SESTD1: variants seen among roughly 807,000 people sequenced by gnomAD.
The protein encoded by SESTD1 is SEC14 domain and spectrin repeat-containing protein 1.
A neutral mutation model predicts 101.7 loss-of-function variants in SESTD1; 43 were observed. That is an observed-to-expected ratio of 0.42 (90% CI 0.33 to 0.55). The LOEUF is 0.55. SESTD1 is among the 20% of genes least tolerant of loss of function. SESTD1 has a pLI of 0.07. For missense variants in SESTD1, 647 were observed against 815.1 expected (o/e 0.79, Z 2.51); for synonymous variants, 283 against 286.8 (o/e 0.99, Z 0.13).
At chr2:179,133,789 A>T (rs911997128) in intron 9 of SESTD1, among the ~76,000 whole-genome samples, 1 of 152,200 alleles carries the variant, frequency 6.6e-6, no homozygotes, top group Non-Finnish European at 1.5e-5. Flanking sequence ...TCTTTTTATA[A>T]TTATATAAAA....
intron 1 of SESTD1, among the ~76,000 whole-genome samples, chr2:179,213,068 TA>T (rs1250934502): frequency 7.4e-6 from 1 of 134,854 alleles, no homozygotes; most frequent in African/African-American, 2.9e-5. Flanking sequence ...CTGAAAATTC[TA>T]AAAACCAGAT....
intron 4 of SESTD1, chr2:179,174,332 A>G (rs1365302563): frequency 2.5e-6 from 1 of 407,714 alleles, no homozygotes; most frequent in Non-Finnish European, 4.9e-6. Context: ...CTATTAATAA[A>G]TCCAAAAGCT....
At chr2:179,194,855 G>A (rs1381583456) in intron 1 of SESTD1, among the ~76,000 whole-genome samples, 2 of 152,182 alleles carry the variant, frequency 1.3e-5, no homozygotes, top group Non-Finnish European at 2.9e-5. Flanking sequence ...GAGCCCAGAA[G>A]ACCTCACTGT....
chr2:179,109,775 G>A lies in SESTD1; in HGVS notation c.*124C>T, dbSNP rs2044465948. 27 of 1,244,034 alleles carry A rather than the reference G, an allele frequency of 2.2e-5. No individual in the cohort carries two copies. The South Asian group carries it at 4.0e-4, about 18-fold the overall frequency. The allele number at this position is 1,244,034 out of a possible 1,614,324, so 77.1% of individuals were successfully genotyped here. On this transcript the variant is annotated 3_prime_UTR_variant, in exon 18 of 18. Transcript: ENST00000428443. ...GGTGTTAACATGTAAAGAGAAATGTGTCATGAAAAGAAATGAGACTTATTT... is the reference window on the plus strand; with the variant it reads ...GGTGTTAACATGTAAAGAGAAATGTATCATGAAAAGAAATGAGACTTATTT...
intron 1 of SESTD1, among the ~76,000 whole-genome samples, chr2:179,259,993 T>C (rs2105562788): frequency 6.6e-6 from 1 of 152,312 alleles, no homozygotes; most frequent in South Asian, 2.1e-4. Context: ...TTATAGATAC[T>C]TGTGATTTAT....
chr2:179,123,648 C>A, intron 12 of SESTD1, 67 bp downstream of exon 12: 1 of 1,035,368 alleles, frequency 9.7e-7, no homozygotes, highest in South Asian at 1.5e-5. Flanking sequence ...ACTTAATTGT[C>A]TAACCATGGT....
chr2:179,247,031 G>T (rs1338438659), intron 1 of SESTD1, among the ~76,000 whole-genome samples: 2 of 152,044 alleles, frequency 1.3e-5, no homozygotes, highest in African/African-American at 4.8e-5. Context: ...CCCACTTTCA[G>T]ATTCCACTTG....
chr2:179,138,869 T>G (rs2045214188), intron 9 of SESTD1, among the ~76,000 whole-genome samples: 1 of 22,270 alleles, frequency 4.5e-5, no homozygotes. Flanking sequence ...AAACCCTGTC[T>G]CAAAAAAAAA....
intron 12 of SESTD1, 92 bp downstream of exon 12, chr2:179,123,623 G>T: frequency 4.0e-6 from 3 of 754,494 alleles, no homozygotes; most frequent in Non-Finnish European, 2.2e-6. Flanking sequence ...ATACTAATTA[G>T]TTCAGTGTAA....
At chr2:179,245,622 G>A (rs1398930391) in intron 1 of SESTD1, among the ~76,000 whole-genome samples, 4 of 151,486 alleles carry the variant, frequency 2.6e-5, no homozygotes, top group Non-Finnish European at 4.4e-5. Context: ...CAAGCCCAGA[G>A]GCTGCAGTGA....
At chr2:179,154,910 TATATA>T (rs1477396704) in intron 5 of SESTD1, among the ~76,000 whole-genome samples, 3 of 152,294 alleles carry the variant, frequency 2.0e-5, no homozygotes, top group South Asian at 2.1e-4. Flanking sequence ...TTCAAAGGAA[TATATA>T]ATATAACCAC....
At chr2:179,203,867 G>A (rs1171541391) in intron 1 of SESTD1, among the ~76,000 whole-genome samples, 1 of 133,728 alleles carries the variant, frequency 7.5e-6, no homozygotes, top group Non-Finnish European at 1.6e-5. Flanking sequence ...CTAGAGTTGA[G>A]TCCAGCCTGG....
At chr2:179,133,830 C>T (rs549643998) in intron 9 of SESTD1, among the ~76,000 whole-genome samples, 15 of 152,058 alleles carry the variant, frequency 9.9e-5, no homozygotes, top group African/African-American at 3.6e-4. Flanking sequence ...ATCACATAAG[C>T]GCTCAGCCCT....
At chr2:179,149,939 G>A (rs1303373199) in intron 6 of SESTD1, among the ~76,000 whole-genome samples, 4 of 152,172 alleles carry the variant, frequency 2.6e-5, no homozygotes, top group Non-Finnish European at 5.9e-5. Flanking sequence ...TAAATATGGT[G>A]GAAATAGGCT....
chr2:179,167,137 T>C (rs956786309), intron 5 of SESTD1, among the ~76,000 whole-genome samples: 12 of 152,186 alleles, frequency 7.9e-5, no homozygotes, highest in African/African-American at 2.7e-4. Context: ...ACTGATGCTA[T>C]AGAGAATGAA....
intron 9 of SESTD1, among the ~76,000 whole-genome samples, chr2:179,142,920 A>C (rs1160161878): frequency 1.3e-5 from 2 of 152,212 alleles, no homozygotes; most frequent in African/African-American, 4.8e-5. Context: ...GAATCACTTA[A>C]TAAATGTTTA....
At chr2:179,116,906 TAA>T (rs2044645639) in intron 14 of SESTD1, 116 bp from the exon 15 acceptor site, 2 of 1,339,602 alleles carry the variant, frequency 1.5e-6, no homozygotes, top group Non-Finnish European at 2.0e-6. Context: ...AATTATAACC[TAA>T]AGTCTTAAAA....
At chr2:179,185,935 ATAT>A (rs927593589) in intron 2 of SESTD1, among the ~76,000 whole-genome samples, 4 of 136,488 alleles carry the variant, frequency 2.9e-5, no homozygotes, top group Non-Finnish European at 4.7e-5. Context: ...CATATACAAT[ATAT>A]TATATTATAT....
intron 1 of SESTD1, among the ~76,000 whole-genome samples, chr2:179,256,621 G>GCTAACACGGTGAAACC (rs1196870892): frequency 6.6e-6 from 1 of 152,166 alleles, no homozygotes; most frequent in African/African-American, 2.4e-5. Flanking sequence ...GACCAACCTG[G>GCTAACACGGTGAAACC]CTAACACGGT....
Sources: gnomAD v4.1 joint callset for allele counts (sites outside exome capture counted in the v4.1 genomes callset) on GRCh38, gnomAD v4.1.1 for gene constraint, MANE v1.5 for transcripts, NCBI Gene and HGNC (gene_info 2026-07-23, HGNC 2026-07-21) for gene names.